Variants in STPG2 observed in about 807,000 individuals in gnomAD.
STPG2 encodes sperm tail PG-rich repeat containing 2.
Under a neutral mutation model 54.2 loss-of-function variants are expected in STPG2, and 56 were observed. The observed-to-expected ratio is 1.03, with a 90% CI of 0.83 to 1.29. The LOEUF (loss-of-function observed/expected upper bound fraction) is 1.29. STPG2 is among the 50% of genes most tolerant of loss of function. STPG2 has a pLI of 0.00. For synonymous variants in STPG2, 200 were observed against 181.8 expected (o/e 1.10, Z -0.81); for missense variants, 596 against 544.9 (o/e 1.09, Z -0.93).
chr4:97,771,578 G>A (rs1578550168), intron 9 of STPG2, among the ~76,000 whole-genome samples: 1 of 152,308 alleles, frequency 6.6e-6, no homozygotes, highest in South Asian at 2.1e-4. Flanking sequence ...AGCTAGGCAC[G>A]TGAGCATGTA....
intron 10 of STPG2, among the ~76,000 whole-genome samples, chr4:97,701,534 A>G (rs1333617995): frequency 6.6e-6 from 1 of 152,180 alleles, no homozygotes; most frequent in Non-Finnish European, 1.5e-5. Context: ...TTGGTAGTGT[A>G]GTGGGGTCCT....
intron 4 of STPG2, chr4:97,489,900 G>A (rs1730461342): frequency 6.6e-6 from 1 of 151,186 alleles, no homozygotes; most frequent in Admixed American, 6.6e-5. Flanking sequence ...AAAGATTGCA[G>A]ATCTAGTATC....
chr4:98,099,449 A>G (rs1342568976), intron 5 of STPG2, among the ~76,000 whole-genome samples: 1 of 152,164 alleles, frequency 6.6e-6, no homozygotes, highest in Non-Finnish European at 1.5e-5. Context: ...TCACAGAAGG[A>G]TGATTACCAG....
chr4:97,624,895 T>C (rs139321005), intron 10 of STPG2, among the ~76,000 whole-genome samples: 112 of 152,302 alleles, frequency 7.4e-4, no homozygotes, highest in Admixed American at 1.4e-3. Flanking sequence ...CCCCATTGTT[T>C]GTTTTTGTCA....
rs75097231 is a variant in STPG2 at position 97,588,952 on chromosome 4, A to G, written c.1321-29835T>C. ...CACAAAATTTTGGAATTATACCTCT[A>G]CTTTGCAGATGAAAAATGCAAACAT... On this transcript the variant is annotated intron_variant, in intron 10 of 10. Transcript: ENST00000295268. Among the ~76,000 whole-genome samples, 1,077 of 152,170 alleles carry G rather than the reference A, an allele frequency of 7.1e-3. 40 individuals are homozygous for G. The East Asian group carries it at 0.1, about 14-fold the overall frequency.
chr4:98,021,215 T>C (rs1304745470), intron 5 of STPG2, among the ~76,000 whole-genome samples: 2 of 124,996 alleles, frequency 1.6e-5, no homozygotes, highest in Admixed American at 1.5e-4. Context: ...TCTGGTATGT[T>C]GTGTCTTTGT....
chr4:97,570,258 T>C (rs751378888), intron 10 of STPG2, among the ~76,000 whole-genome samples: 2 of 152,176 alleles, frequency 1.3e-5, no homozygotes, highest in Admixed American at 6.6e-5. Flanking sequence ...ATTCTATCAG[T>C]GTTACCTTTT....
chr4:97,963,955 C>G (rs150812353), intron 7 of STPG2, among the ~76,000 whole-genome samples: 3 of 151,938 alleles, frequency 2.0e-5, no homozygotes, highest in South Asian at 4.1e-4. Flanking sequence ...AACTAGAGAG[C>G]TATTTTGAGG....
intron 4 of STPG2, among the ~76,000 whole-genome samples, chr4:97,515,887 C>T (rs1005741659): frequency 6.6e-6 from 1 of 151,842 alleles, no homozygotes; most frequent in African/African-American, 2.4e-5. Flanking sequence ...AATGTTATGT[C>T]GAATATTTTC....
At chr4:98,034,259 G>A (rs968019519) in intron 5 of STPG2, among the ~76,000 whole-genome samples, 12 of 152,214 alleles carry the variant, frequency 7.9e-5, no homozygotes, top group African/African-American at 2.9e-4. Context: ...CAAAGTCTCA[G>A]GATACAAAAT....
intron 10 of STPG2, among the ~76,000 whole-genome samples, chr4:97,703,608 T>C (rs931169740): frequency 4.2e-5 from 1 of 23,530 alleles, no homozygotes; most frequent in Non-Finnish European, 7.2e-5. Context: ...AAGTAGTGTA[T>C]AGTATATATA....
chr4:97,991,451 GTGTGTGTGTATA>G (rs1263109089), intron 5 of STPG2, among the ~76,000 whole-genome samples: 3 of 142,798 alleles, frequency 2.1e-5, no homozygotes, highest in Non-Finnish European at 4.7e-5. Flanking sequence ...GTGTGTGTGT[GTGTGTGTGTATA>G]TATATATATG....
chr4:98,135,336 C>A (rs1258733071), intron 1 of STPG2, among the ~76,000 whole-genome samples: 3 of 151,640 alleles, frequency 2.0e-5, no homozygotes, highest in African/African-American at 7.3e-5. Flanking sequence ...TAATGTGTTT[C>A]TTTTGAGGCC....
intron 9 of STPG2, among the ~76,000 whole-genome samples, chr4:97,740,847 A>G (rs1725201660): frequency 2.0e-5 from 3 of 152,328 alleles, no homozygotes; most frequent in South Asian, 4.1e-4. Context: ...TTCTTCACAG[A>G]ATTGGAAAAA....
chr4:97,839,680 A>G (rs886503508), intron 9 of STPG2, among the ~76,000 whole-genome samples: 1 of 151,592 alleles, frequency 6.6e-6, no homozygotes, highest in Admixed American at 6.6e-5. Flanking sequence ...AAGAGAAGAA[A>G]AAGAAAATAA....
intron 5 of STPG2, among the ~76,000 whole-genome samples, chr4:98,023,396 T>C (rs1736297183): frequency 6.6e-6 from 1 of 152,092 alleles, no homozygotes; most frequent in Admixed American, 6.5e-5. Flanking sequence ...CCTCTGGAAG[T>C]TTTGTCTCAG....
chr4:97,538,655 A>T (rs995094630), intron 4 of STPG2, among the ~76,000 whole-genome samples: 10 of 152,366 alleles, frequency 6.6e-5, no homozygotes, highest in African/African-American at 2.4e-4. Flanking sequence ...CAACCTAGCA[A>T]GGCAGGCCAA....
At chr4:97,589,104 A>T (rs1300804880) in intron 10 of STPG2, among the ~76,000 whole-genome samples, 1 of 152,104 alleles carries the variant, frequency 6.6e-6, no homozygotes, top group Non-Finnish European at 1.5e-5. Flanking sequence ...TAGAAGATAG[A>T]TATCTATGTG....
chr4:97,757,269 T>C lies in STPG2; in HGVS notation c.1205-44455A>G, dbSNP rs1430500743. ...CTTTATAACCAAAACCCTTTGCAAA[T>C]GCCTCCCAGACCTTCCCCCCATATA... On this transcript the variant is annotated intron_variant, in intron 9 of 10. Coordinates refer to ENST00000295268, the MANE Select transcript of STPG2 (RefSeq NM_174952.3). Among the ~76,000 whole-genome samples the C allele has an allele frequency of 2.0e-5, 3 of 152,268 alleles. No homozygotes were observed. In the East Asian group the frequency reaches 5.8e-4, roughly 29 times the overall value.
Sources: gnomAD v4.1 joint callset for allele counts (sites outside exome capture counted in the v4.1 genomes callset) on GRCh38, gnomAD v4.1.1 for gene constraint, MANE v1.5 for transcripts, NCBI Gene and HGNC (gene_info 2026-07-23, HGNC 2026-07-21) for gene names.